The following ACIN1 variants were observed in gnomAD, a reference collection of about 807,000 sequenced individuals.
ACIN1 encodes the protein apoptotic chromatin condensation inducer 1.
In ACIN1, 16 loss-of-function variants were observed where a neutral mutation model predicts 146.6. The observed-to-expected ratio is 0.11, with a 90% CI of 0.07 to 0.17. The LOEUF is 0.17. Ranked by LOEUF, ACIN1 falls within the 10% of genes least tolerant of loss-of-function variation. ACIN1 has a pLI of 1.00. For missense variants in ACIN1, 1,357 were observed against 1,609.3 expected (o/e 0.84, Z 2.68); for synonymous variants, 569 against 582.7 (o/e 0.98, Z 0.34).
Position 23,080,173 on chromosome 14 carries a change from G to A in ACIN1, c.1162C>T (p.Pro388Ser), listed in dbSNP as rs2140156691. 6.2e-7 allele frequency: 1 copy of A among 1,614,140 alleles called. No homozygotes were observed. Among genetic ancestry groups the A allele is most frequent in the Non-Finnish European group, 8.5e-7 (1 of 1,179,996 alleles). Residue 388 changes from proline (P) to serine (S), a missense_variant, in exon 6 of 19, where the codon CCC becomes TCC. This residue lies in a region of ACIN1 where 771 missense variants were observed against 746.6 expected (regional missense o/e 1.03). Coordinates refer to ENST00000605057, the MANE Select transcript of ACIN1 (RefSeq NM_001386863.1). Reference protein sequence around the residue: ...EEIEPMEGPAPAVLIQLSPPN... With the variant: ...EEIEPMEGPASAVLIQLSPPN... ...GGAGATAACTGAATGAGGACAGCGG[G>A]GGCTGGGCCTTCCATGGGCTCTATT...
chr14:23,090,758 G>C (rs988596960), intron 2 of ACIN1, 125 bp from the exon 3 acceptor site: 15 of 668,724 alleles, frequency 2.2e-5, no homozygotes, highest in Admixed American at 1.6e-4. Flanking sequence ...TAAAATGTTG[G>C]AAGGCTTTTT....
At chr14:23,075,727 G>A (rs1040605262) in intron 8 of ACIN1, among the ~76,000 whole-genome samples, 2 of 149,204 alleles carry the variant, frequency 1.3e-5, no homozygotes. Context: ...TTTTTGAGAC[G>A]GAGTTTCGCT....
At chr14:23,066,308 G>C (rs1042608055) in intron 9 of ACIN1, 1 of 252,792 alleles carries the variant, frequency 4.0e-6, no homozygotes, top group Non-Finnish European at 7.6e-6. Flanking sequence ...GCTGGAAGAG[G>C]AGTTCAGTAG....
At chr14:23,077,521 T>A (rs1217496363) in intron 8 of ACIN1, among the ~76,000 whole-genome samples, 1 of 152,200 alleles carries the variant, frequency 6.6e-6, no homozygotes, top group Non-Finnish European at 1.5e-5. Flanking sequence ...TAACCTGATA[T>A]GAGTATTTCT....
chr14:23,068,367 G>A lies in ACIN1; in HGVS notation c.2265+1109C>T. 1 of 985,940 alleles carries A rather than the reference G, an allele frequency of 1.0e-6. No individual in the cohort carries two copies. The highest frequency in any genetic ancestry group is 4.7e-5 in the South Asian group (1 of 21,290). The allele number at this position is 985,940 out of a possible 1,614,324, so 61.1% of individuals were successfully genotyped here. A position where few individuals can be genotyped will look rare whatever the true frequency, so the allele number is the denominator to read the frequency against. ...CAGCACTGGCACAAGCTCTTCTTGGGGTGTCCCAAGTAGGGAGATGATGCA... is the reference window on the plus strand; with the variant it reads ...CAGCACTGGCACAAGCTCTTCTTGGAGTGTCCCAAGTAGGGAGATGATGCA... On this transcript the variant is annotated intron_variant, in intron 9 of 18. Coordinates refer to ENST00000605057, the MANE Select transcript of ACIN1 (RefSeq NM_001386863.1). This position sits in a 1 kb window ranked among gnomAD's most constrained non-coding sequence, Gnocchi z 4.3.
Position 23,068,447 on chromosome 14 carries a change from A to T in ACIN1, c.2265+1029T>A. ...TGCTCAATACAAGTCTCTCCAGAAC[A>T]GTGTTCTTCTTGGCCCCCTGATGTA... On this transcript the variant is annotated intron_variant, in intron 9 of 18. Coordinates refer to ENST00000605057, the MANE Select transcript of ACIN1 (RefSeq NM_001386863.1). The surrounding 1 kb of genome is among the most constrained non-coding windows in gnomAD (Gnocchi z 4.3). 1 of 985,914 alleles carries T rather than the reference A, an allele frequency of 1.0e-6. No individual in the cohort carries two copies. The highest frequency in any genetic ancestry group is 1.2e-6 in the Non-Finnish European group (1 of 829,952). 61.1% of individuals were successfully genotyped at this position (985,914 alleles called of 1,614,324 possible). A position where few individuals can be genotyped will look rare whatever the true frequency, so the allele number is the denominator to read the frequency against.
intron 4 of ACIN1, among the ~76,000 whole-genome samples, chr14:23,084,791 G>T (rs950675465): frequency 1.3e-5 from 2 of 152,114 alleles, no homozygotes; most frequent in Non-Finnish European, 2.9e-5. Context: ...CAGGATATAT[G>T]ATTAGAATAT....
chr14:23,063,047 C>T lies in ACIN1; in HGVS notation c.2765G>A (p.Arg922His), dbSNP rs2047337124. ...TCCGGACTTCTGCTGGCTAATGGAACGTCGAGTTAAGGTATCTCCTAAAGT... is the reference window on the plus strand; with the variant it reads ...TCCGGACTTCTGCTGGCTAATGGAATGTCGAGTTAAGGTATCTCCTAAAGT... ...KVTLGDTLTR[R>H]SISQQKSGVS... The change falls in exon 14 of 19, where the codon CGT becomes CAT. Residue 922 changes from arginine (R) to histidine (H), a missense_variant. Coordinates refer to ENST00000605057, the MANE Select transcript of ACIN1 (RefSeq NM_001386863.1). 2.5e-6 allele frequency: 4 copies of T among 1,613,138 alleles called. No homozygotes were observed. Among genetic ancestry groups the T allele is most frequent in the Non-Finnish European group, 3.4e-6 (4 of 1,179,702 alleles).
At position 23,080,744 on chromosome 14, in the gene ACIN1, A is replaced by C; in HGVS notation, c.591T>G (p.Pro197=). 1 of 1,613,846 alleles carries C rather than the reference A, an allele frequency of 6.2e-7. No individual in the cohort carries two copies. Among genetic ancestry groups the C allele is most frequent in the Non-Finnish European group, 8.5e-7 (1 of 1,179,844 alleles). The stretch of plus-strand genomic sequence containing the variant: ...CTGCTCTGACCCTTAGGTTTCTGGA[A>C]GGTGTTTCTTGATCCTCTTCCTCCT... ...PAEEEEDQET[P]SRNLRVRADR... Residue 197 remains proline (P), a synonymous_variant, in exon 6 of 19, where the codon CCT becomes CCG. Transcript: ENST00000605057.
intron 12 of ACIN1, 81 bp downstream of exon 12, chr14:23,064,024 A>G: frequency 6.4e-7 from 1 of 1,570,440 alleles, no homozygotes; most frequent in Non-Finnish European, 8.7e-7. Flanking sequence ...CCCTCCAAAG[A>G]CTTTATCTCA....
chr14:23,063,643 C>T (rs776900942), intron 12 of ACIN1, 66 bp from the exon 13 acceptor site: 11 of 1,593,152 alleles, frequency 6.9e-6, no homozygotes, highest in Non-Finnish European at 9.4e-6. Context: ...TTTTCAGCCT[C>T]TGGTTCCCCG....
chr14:23,079,901 T>G lies in ACIN1; in HGVS notation c.1434A>C (p.Leu478Phe). Residue 478 changes from leucine (L) to phenylalanine (F), a missense_variant, in exon 6 of 19, where the codon TTA becomes TTC. Physicochemically the swap from Leu to Phe is conservative, Grantham distance 22. Coordinates refer to ENST00000605057, the MANE Select transcript of ACIN1 (RefSeq NM_001386863.1). ...AQPLPLKIEE[L>F]ALAKGITEEC... is the part of the protein sequence containing the mutation. ...CTTCAGTGATTCCTTTGGCCAGTGC[T>G]AATTCCTCAATTTTTAGAGGGAGGG... is the stretch of plus-strand genomic sequence containing the variant. The G allele has an allele frequency of 6.2e-7, 1 of 1,614,220 alleles. No homozygotes were observed. The highest frequency in any genetic ancestry group is 8.5e-7 in the Non-Finnish European group (1 of 1,180,042).
At chr14:23,060,048 C>T (rs576327890) in intron 18 of ACIN1, among the ~76,000 whole-genome samples, 2 of 149,288 alleles carry the variant, frequency 1.3e-5, no homozygotes, top group East Asian at 2.0e-4. Context: ...GTCTCCGACT[C>T]GCAGGTTCAA....
rs199552606 is a variant in ACIN1, at chr14:23,079,644, T to C, written c.1691A>G (p.Asn564Ser). 14 of 1,613,948 alleles carry C rather than the reference T, an allele frequency of 8.7e-6. No homozygotes were observed. The highest frequency in any genetic ancestry group is 1.7e-5 in the Admixed American group (1 of 59,978). The stretch of plus-strand genomic sequence containing the variant: ...GCCCATCTTGGGTCTACCACGAGGG[T>C]TGGCATGAGTACGTGCCTGGGCTAC... ...RDVAQARTHA[N>S]PRGRPKMGSR... The change falls in exon 6 of 19, where the codon AAC becomes AGC. Residue 564 changes from asparagine to serine, a missense_variant. Transcript: ENST00000605057.
In ACIN1 at chr14:23,064,507, C is replaced by A. The variant is rs760174036; in HGVS notation, c.2309-19G>T. On this transcript the variant is annotated intron_variant, in intron 10 of 18. Transcript: ENST00000605057. ...GTAGCTGCTGTCCCCAAGAAATAGA[C>A]CCAACAGTTAGATGGTCTCAGGACC... 3.1e-6 allele frequency: 5 copies of A among 1,612,968 alleles called. No individual in the cohort carries two copies. In the East Asian group the frequency reaches 8.9e-5, roughly 29 times the overall value.
rs1240088939 is a variant in ACIN1, at chr14:23,062,404, T to G, written c.2991+12A>C. 6.2e-7 allele frequency: 1 copy of G among 1,613,666 alleles called. No homozygotes were observed. The highest frequency in any genetic ancestry group is 8.5e-7 in the Non-Finnish European group (1 of 1,179,684). On this transcript the variant is annotated intron_variant, in intron 15 of 18. Transcript: ENST00000605057. ...TATGCCATGACCTATAGAATCAGCT[T>G]CTTCCCCTCACCGTTACAAAGCAAT...
upstream of ACIN1, chr14:23,095,263 C>A (rs2140269576): frequency 6.2e-7 from 1 of 1,601,670 alleles, no homozygotes. Context: ...CTCCGGATGT[C>A]CTCGGATGTT....
At chr14:23,075,423 T>C (rs1291882005) in intron 8 of ACIN1, among the ~76,000 whole-genome samples, 3 of 151,752 alleles carry the variant, frequency 2.0e-5, no homozygotes, top group East Asian at 3.9e-4. Flanking sequence ...ACCAGAGTTT[T>C]GAACAGCACT....
At chr14:23,084,631 A>C (rs889411320) in intron 4 of ACIN1, among the ~76,000 whole-genome samples, 12 of 151,904 alleles carry the variant, frequency 7.9e-5, no homozygotes, top group African/African-American at 2.7e-4. Context: ...AAAAAAAAAA[A>C]AACCCAAAAT....
Sources: gnomAD v4.1 joint callset for allele counts (sites outside exome capture counted in the v4.1 genomes callset) on GRCh38, gnomAD v4.1.1 for gene constraint, gnomAD v4.1.1 regional missense constraint, Gnocchi (gnomAD v3.1) non-coding constraint, MANE v1.5 for transcripts, NCBI Gene and HGNC (gene_info 2026-07-23, HGNC 2026-07-21) for gene names.